The following MTMR9 variants were observed in gnomAD, a reference collection of about 807,000 sequenced individuals.
The protein encoded by MTMR9 is myotubularin-related protein 9.
In MTMR9, 39 loss-of-function variants were observed where a neutral mutation model predicts 69.5. The observed-to-expected ratio is 0.56, with a 90% CI of 0.43 to 0.73. MTMR9 has a LOEUF of 0.73. Ranked by LOEUF, MTMR9 falls within the 30% of genes least tolerant of loss-of-function variation. The probability of loss-of-function intolerance (pLI) is 0.00; values close to 1 mark genes in which losing one functional copy is unlikely to be tolerated. For synonymous variants in MTMR9, 354 were observed against 240.8 expected (o/e 1.47, Z -4.35); for missense variants, 900 against 671.2 (o/e 1.34, Z -3.77).
In MTMR9 at chr8:11,327,256, C is replaced by T. The variant is rs542980302; in HGVS notation, c.*4468C>T. On this transcript the variant is annotated 3_prime_UTR_variant, in exon 10 of 10. Transcript: ENST00000221086. ...TTAATGTTCCAGCTCTTGAACTACA[C>T]TGTGGAACAGTAATTTGTGCCCAAT... The T allele has an allele frequency of 7.2e-5, 11 of 152,316 alleles. No individual in the cohort carries two copies. The highest frequency in any genetic ancestry group is 3.9e-4 in the Admixed American group (6 of 15,292). 9.4% of individuals were successfully genotyped at this position (152,316 alleles called of 1,614,324 possible).
intron 2 of MTMR9, chr8:11,299,002 T>C (rs1484058642): frequency 3.7e-6 from 2 of 537,026 alleles, no homozygotes; most frequent in African/African-American, 2.1e-5. Context: ...GAAATGAACA[T>C]TGATGGAATT....
chr8:11,329,048 T>A (rs1383416835), downstream of MTMR9, among the ~76,000 whole-genome samples: 2 of 152,230 alleles, frequency 1.3e-5, no homozygotes. Flanking sequence ...CCTTTTCCCA[T>A]TGTGTGGTCT....
intron 7 of MTMR9, 22 bp from the exon 8 acceptor site, chr8:11,316,651 C>CA (rs1800427366): frequency 6.5e-7 from 1 of 1,535,598 alleles, no homozygotes. Context: ...ATATGACTGT[C>CA]ACGCCTCCAT....
Position 11,284,929 on chromosome 8 carries a change from A to T in MTMR9, c.41A>T (p.Asn14Ile). Residue 14 changes from asparagine to isoleucine, a missense_variant, in exon 1 of 10, where the codon AAT becomes ATT. Transcript: ENST00000221086. ...AELIKTPRVDNVVLHRPFYPA... is the reference protein window; with the variant it reads ...AELIKTPRVDIVVLHRPFYPA... ...CTGATTAAGACCCCGCGGGTGGACA[A>T]TGTGGTGCTGCACCGGCCTTTCTAC... The T allele has an allele frequency of 2.5e-6, 4 of 1,613,080 alleles. No individual in the cohort carries two copies. Among genetic ancestry groups the T allele is most frequent in the Non-Finnish European group, 3.4e-6 (4 of 1,179,558 alleles).
chr8:11,300,282 A>G, intron 3 of MTMR9, 134 bp downstream of exon 3: 1 of 947,758 alleles, frequency 1.1e-6, no homozygotes, highest in South Asian at 1.6e-5. Context: ...ATATATTTAA[A>G]AGGATTGAAG....
the MTMR9 span, among the ~76,000 whole-genome samples, chr8:11,338,958 G>T: frequency 6.6e-6 from 1 of 152,192 alleles, no homozygotes; most frequent in African/African-American, 2.4e-5. Flanking sequence ...CATCTGAACT[G>T]ATAATGCCAT....
Position 11,306,381 on chromosome 8 carries a change from G to T in MTMR9, c.783G>T (p.Trp261Cys), listed in dbSNP as rs757929934. 9.3e-6 allele frequency: 15 copies of T among 1,613,994 alleles called. No individual in the cohort carries two copies. Among genetic ancestry groups the T allele is most frequent in the Non-Finnish European group, 1.7e-6 (2 of 1,179,924 alleles). ...AACAAGAAGCTCATTATCCTCAGTG[G>T]AGGCGAATTCATAAGTCCATTGAGA... Reference protein sequence around the residue: ...GFEQEAHYPQWRRIHKSIERY... With the variant: ...GFEQEAHYPQCRRIHKSIERY... The change falls in exon 5 of 10, where the codon TGG (tryptophan) becomes TGT (cysteine). Residue 261 changes from tryptophan (W) to cysteine (C), a missense_variant. By Grantham distance (215) the Trp-to-Cys change is radical. Transcript: ENST00000221086.
In MTMR9 at chr8:11,304,897, C is replaced by G; in HGVS notation, c.474C>G (p.Tyr158Ter). ...VNKEFAVCPS[Y>*]PPIVTVPKSI... ...AGGAATTTGCTGTCTGTCCCTCTTA[C>G]CCACCAATTGTCACAGTGCCCAAAT... The change falls in exon 4 of 10, where the codon TAC (tyrosine) becomes TAG (stop). Residue 158 changes from tyrosine (Y) to a stop codon, truncating the protein, a stop_gained. Coordinates refer to ENST00000221086, the MANE Select transcript of MTMR9 (RefSeq NM_015458.4). LOFTEE classifies it high-confidence loss of function. 1 of 1,614,108 alleles carries G rather than the reference C, an allele frequency of 6.2e-7. No individual in the cohort carries two copies. Among genetic ancestry groups the G allele is most frequent in the Non-Finnish European group, 8.5e-7 (1 of 1,179,966 alleles).
chr8:11,289,081 A>G (rs1383644439), intron 1 of MTMR9, among the ~76,000 whole-genome samples: 1 of 152,110 alleles, frequency 6.6e-6, no homozygotes, highest in Non-Finnish European at 1.5e-5. Flanking sequence ...CTGAGGCAGG[A>G]GAATCACTTC....
chr8:11,291,576 GA>G (rs1241436328), intron 1 of MTMR9, among the ~76,000 whole-genome samples: 2 of 151,984 alleles, frequency 1.3e-5, no homozygotes, highest in African/African-American at 4.8e-5. Flanking sequence ...TAACTGACTA[GA>G]AACATTGAAT....
At chr8:11,285,288 G>T (rs778005971) in intron 1 of MTMR9, 2 of 497,724 alleles carry the variant, frequency 4.0e-6, no homozygotes, top group Admixed American at 3.9e-5. Context: ...GTTATCGTGT[G>T]GCTGGTACCA....
chr8:11,322,407 A>G (rs565825810), intron 9 of MTMR9, among the ~76,000 whole-genome samples: 2 of 152,380 alleles, frequency 1.3e-5, no homozygotes, highest in South Asian at 2.1e-4. Flanking sequence ...GAGCATGTAC[A>G]TACAAGTAGT....
chr8:11,317,334 C>T (rs911839081), intron 8 of MTMR9: 1 of 152,466 alleles, frequency 6.6e-6, no homozygotes, highest in African/African-American at 2.4e-5. Flanking sequence ...CACCAGGGAC[C>T]AGTTTTGTGG....
intron 2 of MTMR9, chr8:11,297,947 G>A (rs761821920): frequency 1.3e-5 from 6 of 456,030 alleles, no homozygotes; most frequent in South Asian, 4.6e-5. Flanking sequence ...ATCTGGACAC[G>A]ATTTGTGAGT....
chr8:11,309,433 G>C (rs189319891), intron 5 of MTMR9, 94 bp from the exon 6 acceptor site: 124 of 1,033,970 alleles, frequency 1.2e-4, no homozygotes, highest in Admixed American at 1.7e-4. Context: ...AACTACTTTT[G>C]CTCTTAGATA....
At chr8:11,316,481 T>C (rs1800419661) in intron 7 of MTMR9, 192 bp from the exon 8 acceptor site, 1 of 432,310 alleles carries the variant, frequency 2.3e-6, no homozygotes, top group Non-Finnish European at 4.1e-6. Flanking sequence ...TTTGGAAGTG[T>C]GTCTTTTTCC....
chr8:11,307,184 G>T (rs1799970779), intron 5 of MTMR9, among the ~76,000 whole-genome samples: 1 of 152,140 alleles, frequency 6.6e-6, no homozygotes, highest in South Asian at 2.1e-4. Flanking sequence ...TGATTCTCCT[G>T]TCTCAGCTTC....
downstream of MTMR9, chr8:11,331,839 G>A (rs766181007): frequency 2.9e-5 from 47 of 1,611,942 alleles, no homozygotes; most frequent in African/African-American, 1.5e-4. Context: ...GCAGACCCCC[G>A]TGTTGCCCAG....
chr8:11,293,176 A>T (rs1799426721), intron 1 of MTMR9, among the ~76,000 whole-genome samples: 1 of 152,102 alleles, frequency 6.6e-6, no homozygotes, highest in Non-Finnish European at 1.5e-5. Flanking sequence ...GATGATCCCA[A>T]CCCTGTGTAG....
Sources: gnomAD v4.1 joint callset for allele counts (sites outside exome capture counted in the v4.1 genomes callset) on GRCh38, gnomAD v4.1.1 for gene constraint, MANE v1.5 for transcripts, NCBI Gene and HGNC (gene_info 2026-07-23, HGNC 2026-07-21) for gene names.